MN1: variants seen among roughly 807,000 people sequenced by gnomAD.
MN1 encodes MN1 proto-oncogene, transcriptional regulator, also known as transcriptional activator MN1.
MN1 carries 19 observed loss-of-function variants against 86.9 expected under a neutral mutation model. That is an observed-to-expected ratio of 0.22 (90% CI 0.15 to 0.32). The LOEUF (loss-of-function observed/expected upper bound fraction) is 0.32, where lower values mean the gene tolerates loss of function less well. Among genes scored for constraint, MN1 ranks in the 10% least tolerant of loss-of-function variants. MN1 has a pLI of 1.00. For synonymous variants in MN1, 928 were observed against 849.6 expected, an observed-to-expected ratio of 1.09 and a Z score of -1.60; for missense variants, 1,841 against 1,862.0, an observed-to-expected ratio of 0.99 and a Z score of 0.21.
rs754233954 is a variant in MN1, at chr22:27,799,382, T to C, written c.1162A>G (p.Thr388Ala). ...CCGTCCTGCAGGCCGCCGCTGGGCG[T>C]GCCCGCCTCGCCCTGCTGGGGCCGA... ...LPRPQQGEAG[T>A]PSGGLQDGGP... Residue 388 changes from threonine (T) to alanine (A), a missense_variant, in exon 1 of 2, where the codon ACG becomes GCG. By Grantham distance (58) the Thr-to-Ala change is moderately conservative (BLOSUM62 0). Coordinates refer to ENST00000302326, the MANE Select transcript of MN1 (RefSeq NM_002430.3). 59 of 1,535,564 alleles carry C rather than the reference T, an allele frequency of 3.8e-5. No homozygotes were observed. The highest frequency in any genetic ancestry group is 4.6e-5 in the Non-Finnish European group (53 of 1,144,542).
In MN1 at chr22:27,798,507, A is replaced by T; in HGVS notation, c.2037T>A (p.Pro679=). The T allele has an allele frequency of 6.5e-7, 1 of 1,540,418 alleles. No individual in the cohort carries two copies. The highest frequency in any genetic ancestry group is 8.7e-7 in the Non-Finnish European group (1 of 1,154,500). The part of the protein sequence containing the change: ...PGGSGVLFRG[P]LQEPMRMPGE... ...CGGGCATCCTCATCGGCTCCTGCAG[A>T]GGGCCCCGGAACAGCACCCCCGAGC... The change falls in exon 1 of 2, where the codon CCT becomes CCA. Residue 679 remains proline (P), a synonymous_variant. Coordinates refer to ENST00000302326, the MANE Select transcript of MN1 (RefSeq NM_002430.3).
At chr22:27,794,088 A>G (rs1933251533) in intron 1 of MN1, among the ~76,000 whole-genome samples, 1 of 152,184 alleles carries the variant, frequency 6.6e-6, no homozygotes, top group African/African-American at 2.4e-5. Context: ...GCATGTTTTT[A>G]AAGGAAAAGC....
rs1375303292 is a variant in MN1, at chr22:27,798,405, C to A, written c.2139G>T (p.Gln713His). The change falls in exon 1 of 2, where the codon CAG (glutamine) becomes CAT (histidine). Residue 713 changes from glutamine to histidine, a missense_variant. Coordinates refer to ENST00000302326, the MANE Select transcript of MN1 (RefSeq NM_002430.3). ...GGSLGGLGQL[Q>H]SPGAGVGLPS... ...GGAGCCCCACGCCCGCCCCGGGCGA[C>A]TGCAGCTGACCCAGGCCTCCCAGAC... 1.0e-5 allele frequency: 16 copies of A among 1,525,166 alleles called. No homozygotes were observed. The highest frequency in any genetic ancestry group is 1.3e-5 in the Non-Finnish European group (15 of 1,145,268). The allele number at this position is 1,525,166 out of a possible 1,614,324, so 94.5% of individuals were successfully genotyped here.
At position 27,799,585 on chromosome 22, in the gene MN1, G is replaced by T; in HGVS notation, c.959C>A (p.Ala320Asp). The stretch of plus-strand genomic sequence containing the variant: ...CTCCAGACCCACAGGCATCTTTCTG[G>T]CCCCACTGAACCTCTCAAAGAACAC... ...HGVFFERFSG[A>D]RKMPVGLEPS... The change falls in exon 1 of 2, where the codon GCC becomes GAC. Residue 320 changes from alanine (A) to aspartate (D), a missense_variant. Ala to Asp is a moderately radical substitution (Grantham distance 126). Transcript: ENST00000302326. 1 of 1,512,636 alleles carries T rather than the reference G, an allele frequency of 6.6e-7. No individual in the cohort carries two copies. Among genetic ancestry groups the T allele is most frequent in the Admixed American group, 2.2e-5 (1 of 45,590 alleles). The allele number at this position is 1,512,636 out of a possible 1,614,324, so 93.7% of individuals were successfully genotyped here.
Position 27,749,740 on chromosome 22 carries a change from G to C in MN1, c.*1175C>G. 8.6e-6 allele frequency: 2 copies of C among 231,660 alleles called. No homozygotes were observed. The highest frequency in any genetic ancestry group is 1.7e-5 in the Non-Finnish European group (2 of 116,974). The allele number at this position is 231,660 out of a possible 1,614,324, so 14.4% of individuals were successfully genotyped here. On this transcript the variant is annotated 3_prime_UTR_variant, in exon 2 of 2. Transcript: ENST00000302326. ...TTTCTCTGTCCTCTAGCCCTCAGGA[G>C]TCTGCAGATCCCTGCAAAGGCTCAG...
At chr22:27,754,663 G>T (rs972671087) in intron 1 of MN1, among the ~76,000 whole-genome samples, 6 of 152,186 alleles carry the variant, frequency 3.9e-5, no homozygotes, top group African/African-American at 1.4e-4. Context: ...CAGGGCTGCC[G>T]AGTCGCTGCC....
intron 1 of MN1, among the ~76,000 whole-genome samples, chr22:27,779,334 A>G (rs2146305988): frequency 6.6e-6 from 1 of 152,278 alleles, no homozygotes; most frequent in South Asian, 2.1e-4. Flanking sequence ...ACTGAGGATC[A>G]GTGAGGCAGC....
Position 27,750,897 on chromosome 22 carries a change from G to A in MN1, c.*18C>T, listed in dbSNP as rs538423426. The A allele has an allele frequency of 3.3e-5, 52 of 1,564,868 alleles. No homozygotes were observed. Among genetic ancestry groups the A allele is most frequent in the South Asian group, 2.8e-4 (23 of 83,526 alleles). On this transcript the variant is annotated 3_prime_UTR_variant, in exon 2 of 2. Coordinates refer to ENST00000302326, the MANE Select transcript of MN1 (RefSeq NM_002430.3). ...GGGAGAGGAAGGGCCTGGTAGAGGA[G>A]GGGATCTTTCTTGTCATTCAAGTTA...
intron 1 of MN1, among the ~76,000 whole-genome samples, chr22:27,763,887 GGGATCC>G (rs1932850596): frequency 6.6e-6 from 1 of 152,204 alleles, no homozygotes; most frequent in Non-Finnish European, 1.5e-5. Context: ...GGGAGAACTG[GGGATCC>G]TGGAAGACTT....
chr22:27,791,664 C>T (rs1477976786), intron 1 of MN1: 2 of 152,170 alleles, frequency 1.3e-5, no homozygotes, highest in Non-Finnish European at 2.9e-5. Flanking sequence ...ACACACTCCC[C>T]AGACATTTGA....
intron 1 of MN1, among the ~76,000 whole-genome samples, chr22:27,783,421 C>T (rs1204407290): frequency 3.9e-5 from 6 of 152,152 alleles, no homozygotes; most frequent in Non-Finnish European, 5.9e-5. Flanking sequence ...CCTGAGACAC[C>T]GTGCCCGGCC....
chr22:27,800,707 G>A lies in MN1; in HGVS notation c.-164C>T. On this transcript the variant is annotated 5_prime_UTR_variant, in exon 1 of 2. Transcript: ENST00000302326. ...ACCCCGCCTGATGTGAGGGACGGGGGGCGGGGTATTAGCTCCTCTCCTGAA... is the reference window on the plus strand; with the variant it reads ...ACCCCGCCTGATGTGAGGGACGGGGAGCGGGGTATTAGCTCCTCTCCTGAA... The A allele has an allele frequency of 1.3e-6, 1 of 794,578 alleles. No homozygotes were observed. The highest frequency in any genetic ancestry group is 2.0e-6 in the Non-Finnish European group (1 of 503,796). 49.2% of individuals were successfully genotyped at this position (794,578 alleles called of 1,614,324 possible). A position where few individuals can be genotyped will look rare whatever the true frequency, so the allele number is the denominator to read the frequency against.
Position 27,800,260 on chromosome 22 carries a change from T to C in MN1, c.284A>G (p.Gln95Arg), listed in dbSNP as rs200805240. The C allele has an allele frequency of 1.1e-4, 176 of 1,584,168 alleles. No individual in the cohort carries two copies. In the African/African-American group the frequency reaches 1.8e-3, roughly 16 times the overall value. The change falls in exon 1 of 2, where the codon CAG becomes CGG. Residue 95 changes from glutamine (Q) to arginine (R), a missense_variant. Transcript: ENST00000302326. Reference sequence around the variant, plus strand: ...TCCCGGGTGGCCGTGGTGAGGCTGCTGGCCGCCAAAGAAGCCGTGCACAGG... The same window carrying C: ...TCCCGGGTGGCCGTGGTGAGGCTGCCGGCCGCCAAAGAAGCCGTGCACAGG... ...AQPVHGFFGG[Q>R]QPHHGHPGSH...
chr22:27,796,359 A>T (rs1933294952), intron 1 of MN1, among the ~76,000 whole-genome samples: 1 of 151,236 alleles, frequency 6.6e-6, no homozygotes, highest in Admixed American at 6.6e-5. Flanking sequence ...CTGCCAGGGA[A>T]GGCGGCACAC....
rs1401512493 is a variant in MN1, at chr22:27,799,083, G to A, written c.1461C>T (p.Ser487=). 6.2e-7 allele frequency: 1 copy of A among 1,608,006 alleles called. No homozygotes were observed. The highest frequency in any genetic ancestry group is 1.7e-5 in the Admixed American group (1 of 59,840). The part of the protein sequence containing the change: ...MHNGALDNHL[S]PSAYPGLPGE... ...CGGGTAGGCCTGGGTAGGCGGAAGG[G>A]GAGAGGTGATTATCCAGAGCGCCGT... Residue 487 remains serine (S), a synonymous_variant, in exon 1 of 2, where the codon TCC becomes TCT. Transcript: ENST00000302326.
intron 1 of MN1, among the ~76,000 whole-genome samples, chr22:27,753,228 G>A (rs1932781047): frequency 6.6e-6 from 1 of 152,202 alleles, no homozygotes; most frequent in Non-Finnish European, 1.5e-5. Flanking sequence ...TATGGATCTA[G>A]CATGGAATAG....
chr22:27,750,839 G>T lies in MN1; in HGVS notation c.*76C>A, dbSNP rs1445457283. On this transcript the variant is annotated 3_prime_UTR_variant, in exon 2 of 2. Transcript: ENST00000302326. ...GGCCCTTTCAAATTAACAGAGGGGT[G>T]GGGTAAGGTTGAGGGGGAAGGAAAC... The T allele has an allele frequency of 1.5e-6, 2 of 1,299,960 alleles. No individual in the cohort carries two copies. The highest frequency in any genetic ancestry group is 2.1e-6 in the Non-Finnish European group (2 of 956,018). The allele number at this position is 1,299,960 out of a possible 1,614,324, so 80.5% of individuals were successfully genotyped here. A position where few individuals can be genotyped will look rare whatever the true frequency, so the allele number is the denominator to read the frequency against.
At position 27,798,406 on chromosome 22, in the gene MN1, T is replaced by C. The variant is rs762130242; in HGVS notation, c.2138A>G (p.Gln713Arg). 9 of 1,526,514 alleles carry C rather than the reference T, an allele frequency of 5.9e-6. No individual in the cohort carries two copies. The East Asian group carries it at 2.0e-4, about 34-fold the overall frequency. 94.6% of individuals were successfully genotyped at this position (1,526,514 alleles called of 1,614,324 possible). The change falls in exon 1 of 2, where the codon CAG becomes CGG. Residue 713 changes from glutamine to arginine, a missense_variant. By Grantham distance (43) the Gln-to-Arg change is conservative. Coordinates refer to ENST00000302326, the MANE Select transcript of MN1 (RefSeq NM_002430.3). Reference sequence around the variant, plus strand: ...GAGCCCCACGCCCGCCCCGGGCGACTGCAGCTGACCCAGGCCTCCCAGACT... The same window carrying C: ...GAGCCCCACGCCCGCCCCGGGCGACCGCAGCTGACCCAGGCCTCCCAGACT... ...GGSLGGLGQL[Q>R]SPGAGVGLPS...
chr22:27,786,309 T>C (rs147084807), intron 1 of MN1, among the ~76,000 whole-genome samples: 1 of 152,306 alleles, frequency 6.6e-6, no homozygotes, highest in African/African-American at 2.4e-5. Context: ...ACAGACTCAG[T>C]GTTAGGAAAG....
Sources: gnomAD v4.1 joint callset for allele counts (sites outside exome capture counted in the v4.1 genomes callset) on GRCh38, gnomAD v4.1.1 for gene constraint, MANE v1.5 for transcripts, NCBI Gene and HGNC (gene_info 2026-07-23, HGNC 2026-07-21) for gene names.